The following SSC5D variants were observed in gnomAD, a reference collection of about 807,000 sequenced individuals.
SSC5D encodes scavenger receptor cysteine rich family member with 5 domains, also known as soluble scavenger receptor cysteine-rich domain-containing protein SSC5D.
A neutral mutation model predicts 104.6 loss-of-function variants in SSC5D; 106 were observed. The observed-to-expected ratio is 1.01, with a 90% CI of 0.87 to 1.19. The LOEUF (loss-of-function observed/expected upper bound fraction) is 1.19. Ranked by LOEUF, SSC5D falls within the 50% of genes most tolerant of loss-of-function variation. The pLI is 0.00. For missense variants in SSC5D, 1,993 were observed against 2,153.8 expected (o/e 0.93, Z 1.48); for synonymous variants, 860 against 883.5 (o/e 0.97, Z 0.47).
intron 8 of SSC5D, among the ~76,000 whole-genome samples, chr19:55,496,378 G>T (rs772008819): frequency 6.6e-6 from 1 of 152,204 alleles, no homozygotes; most frequent in African/African-American, 2.4e-5. Context: ...ATAAAAAGGC[G>T]TGGTTAACAC....
At chr19:55,491,537 G>A (rs1987142818) in intron 6 of SSC5D, 1 of 154,270 alleles carries the variant, frequency 6.5e-6, no homozygotes, top group African/African-American at 2.6e-5. Flanking sequence ...TGGTGGGAAG[G>A]AGGGAGGGAG....
rs56232242 is a variant in SSC5D at position 55,495,234 on chromosome 19, T to TATATATATATATATA, written c.1387+451_1387+452insATATATATATATATA. On this transcript the variant is annotated intron_variant, in intron 8 of 13. Coordinates refer to ENST00000389623, the MANE Select transcript of SSC5D (RefSeq NM_001144950.2). ...CTCCTTTCATATATATATATATATA[T>TATATATATATATATA]TTTTTTTTTTTTTTTTTTTTTTTTT... Among the ~76,000 whole-genome samples, 52 of 22,208 alleles carry TATATATATATATATA rather than the reference T, an allele frequency of 2.3e-3. 3 individuals carry two copies. The highest frequency in any genetic ancestry group is 9.0e-3 in the South Asian group (3 of 332). The allele number at this position is 22,208 out of a possible 152,430, so 14.6% of individuals were successfully genotyped here.
rs987798235 is a variant in SSC5D at position 55,503,233 on chromosome 19, G to A, written c.2785+2032G>A. On this transcript the variant is annotated intron_variant, in intron 12 of 13. Transcript: ENST00000389623. The surrounding 1 kb of genome is among the most constrained non-coding windows in gnomAD (Gnocchi z 4.0). ...TGGAATTGCAGGCGGGAGCCACTGGGCCCAAACTGTTTCTGTATCTTCCGT... is the reference window on the plus strand; with the variant it reads ...TGGAATTGCAGGCGGGAGCCACTGGACCCAAACTGTTTCTGTATCTTCCGT... Among the ~76,000 whole-genome samples, 1 of 152,106 alleles carries A rather than the reference G, an allele frequency of 6.6e-6. No individual in the cohort carries two copies. Among genetic ancestry groups the A allele is most frequent in the African/African-American group, 2.4e-5 (1 of 41,402 alleles).
rs1048368334 is a variant in SSC5D at position 55,490,365 on chromosome 19, G to A, written c.543G>A (p.Lys181=). The part of the protein sequence containing the change: ...RKKSPRPKQA[K]STRAPLLTTG... ...AGAGCCCCCGGCCCAAGCAGGCCAA[G>A]TCCACCCGGGCCCCTCTGCTGACGA... Residue 181 remains lysine, a synonymous_variant, in exon 5 of 14, where the codon AAG becomes AAA. Coordinates refer to ENST00000389623, the MANE Select transcript of SSC5D (RefSeq NM_001144950.2). The A allele has an allele frequency of 3.9e-6, 6 of 1,523,580 alleles. No homozygotes were observed. The highest frequency in any genetic ancestry group is 5.3e-6 in the Non-Finnish European group (6 of 1,127,820). 94.4% of individuals were successfully genotyped at this position (1,523,580 alleles called of 1,614,324 possible). A position where few individuals can be genotyped will look rare whatever the true frequency, so the allele number is the denominator to read the frequency against.
At position 55,500,399 on chromosome 19, in the gene SSC5D, CA is replaced by C. The variant is rs752432058; in HGVS notation, c.2290del (p.Thr764LeufsTer59). ...CGGCCCCCTCTCCCAGTGTTAGCAC[CA>C]CTGGGGAATCAGGTGAGTGGCCGTG... The part of the protein sequence containing the change: ...DPAPSPSVST[T>X]GESGLFRVRL... On this transcript the variant is annotated frameshift_variant, in exon 10 of 14. Coordinates refer to ENST00000389623, the MANE Select transcript of SSC5D (RefSeq NM_001144950.2). LOFTEE classifies it high-confidence loss of function. The surrounding 1 kb of genome is among the most constrained non-coding windows in gnomAD (Gnocchi z 4.6). 9.7e-6 allele frequency: 15 copies of C among 1,550,612 alleles called. No individual in the cohort carries two copies. The highest frequency in any genetic ancestry group is 1.3e-5 in the Non-Finnish European group (15 of 1,146,320).
chr19:55,494,045 T>G, intron 7 of SSC5D, 133 bp downstream of exon 7: 1 of 882,252 alleles, frequency 1.1e-6, no homozygotes, highest in Non-Finnish European at 1.7e-6. Flanking sequence ...TCCCCCATCT[T>G]ATTCCCCTCT....
Position 55,493,620 on chromosome 19 carries a change from C to G in SSC5D, c.921C>G (p.Ala307=). The part of the protein sequence containing the change: ...CTGPAPRLRL[A]DGPHGCAGRL... Reference sequence around the variant, plus strand: ...GCCCAGCACCTCGGCTGCGCCTGGCCGATGGCCCCCACGGGTGCGCCGGCC... The same window carrying G: ...GCCCAGCACCTCGGCTGCGCCTGGCGGATGGCCCCCACGGGTGCGCCGGCC... Residue 307 remains alanine, a synonymous_variant, in exon 7 of 14, where the codon GCC becomes GCG. Transcript: ENST00000389623. 6.8e-7 allele frequency: 1 copy of G among 1,475,492 alleles called. No homozygotes were observed. Among genetic ancestry groups the G allele is most frequent in the Non-Finnish European group, 8.9e-7 (1 of 1,124,508 alleles). The allele number at this position is 1,475,492 out of a possible 1,614,324, so 91.4% of individuals were successfully genotyped here.
rs78225589 is a variant in SSC5D, at chr19:55,512,866, C to A, written c.2786-145C>A. ...AACATCCCAGCTGAATGGAGAAGGT[C>A]TCCACGAGGTCAGGTAGGGCTGCAG... On this transcript the variant is annotated intron_variant, in intron 12 of 13. Coordinates refer to ENST00000389623, the MANE Select transcript of SSC5D (RefSeq NM_001144950.2). The A allele has an allele frequency of 5.4e-3, 5,100 of 952,734 alleles. 236 individuals are homozygous for A. The East Asian group carries it at 0.12, about 21-fold the overall frequency. 59.0% of individuals were successfully genotyped at this position (952,734 alleles called of 1,614,324 possible). A position where few individuals can be genotyped will look rare whatever the true frequency, so the allele number is the denominator to read the frequency against.
intron 6 of SSC5D, 102 bp from the exon 7 acceptor site, chr19:55,493,493 C>T: frequency 1.9e-6 from 2 of 1,052,344 alleles, no homozygotes; most frequent in Non-Finnish European, 2.6e-6. Flanking sequence ...GGAATATTTG[C>T]TTCCCAGAGT....
chr19:55,491,320 G>A (rs753782856), intron 6 of SSC5D: 2 of 522,700 alleles, frequency 3.8e-6, no homozygotes, highest in Admixed American at 7.5e-5. Context: ...CCTGTCCCGG[G>A]GCCTAGGCCA....
chr19:55,502,659 C>T (rs1402398344), intron 12 of SSC5D, among the ~76,000 whole-genome samples: 1 of 151,526 alleles, frequency 6.6e-6, no homozygotes, highest in Non-Finnish European at 1.5e-5. Flanking sequence ...TGGTAAATTT[C>T]TCTCTCTCTT....
In SSC5D at chr19:55,494,606, A is replaced by G; in HGVS notation, c.1214-4A>G. On this transcript the variant is annotated splice_region_variant and splice_polypyrimidine_tract_variant and intron_variant, in intron 7 of 13. Coordinates refer to ENST00000389623, the MANE Select transcript of SSC5D (RefSeq NM_001144950.2). ...GTGGCAATCACTTACCCCCTGCTCC[A>G]CAGGCATGCCCCTGGGCTACGTCCC... is the stretch of plus-strand genomic sequence containing the variant. 6.6e-7 allele frequency: 1 copy of G among 1,518,746 alleles called. No homozygotes were observed. Among genetic ancestry groups the G allele is most frequent in the Non-Finnish European group, 8.9e-7 (1 of 1,127,696 alleles). The allele number at this position is 1,518,746 out of a possible 1,614,324, so 94.1% of individuals were successfully genotyped here. A position where few individuals can be genotyped will look rare whatever the true frequency, so the allele number is the denominator to read the frequency against.
chr19:55,512,627 G>C (rs537882119), intron 12 of SSC5D, among the ~76,000 whole-genome samples: 1 of 151,924 alleles, frequency 6.6e-6, no homozygotes, highest in African/African-American at 2.4e-5. Context: ...GATTATAGGC[G>C]TGTGCCACCA....
rs1185266071 is a variant in SSC5D at position 55,517,647 on chromosome 19, C to A, written c.3371C>A (p.Thr1124Asn). ...TSEQVPESDT[T>N]PDLDTTPYSS... ...GAGCAGGTCCCAGAATCTGACACAA[C>A]CCCAGATTTGGACACAACTCCATAC... Residue 1124 changes from threonine (T) to asparagine (N), a missense_variant, in exon 14 of 14, where the codon ACC (threonine) becomes AAC (asparagine). By Grantham distance (65) the Thr-to-Asn change is moderately conservative. Around this residue, in one of 6 missense-constraint regions of SSC5D, gnomAD observed 423 missense variants for 409.2 expected, o/e 1.03. Coordinates refer to ENST00000389623, the MANE Select transcript of SSC5D (RefSeq NM_001144950.2). 7.7e-6 allele frequency: 12 copies of A among 1,551,808 alleles called. No homozygotes were observed. Among genetic ancestry groups the A allele is most frequent in the Non-Finnish European group, 1.0e-5 (12 of 1,147,034 alleles).
rs1358822100 is a variant in SSC5D at position 55,500,036 on chromosome 19, AC to A, written c.1931del (p.Pro644GlnfsTer2). Reference sequence around the variant, plus strand: ...AAAATGCAAAGAGACCAACCACTCAACCCCCAGTGATGCCAACCACGAAACA... The same window carrying A: ...AAAATGCAAAGAGACCAACCACTCAACCCCAGTGATGCCAACCACGAAACA... ...TKNAKRPTTQ[P>X]PVMPTTKHSR... On this transcript the variant is annotated frameshift_variant, in exon 10 of 14. Transcript: ENST00000389623. LOFTEE classifies it high-confidence loss of function. This position sits in a 1 kb window ranked among gnomAD's most constrained non-coding sequence, Gnocchi z 4.6. 6.4e-7 allele frequency: 1 copy of A among 1,551,554 alleles called. No individual in the cohort carries two copies. Among genetic ancestry groups the A allele is most frequent in the East Asian group, 2.4e-5 (1 of 40,898 alleles).
chr19:55,492,410 G>A (rs1477334), intron 6 of SSC5D: 60,598 of 151,934 alleles, frequency 0.4, 12,390 homozygotes, highest in East Asian at 0.63. Context: ...TGGGACCTTC[G>A]GAGCAGAGTT....
intron 12 of SSC5D, among the ~76,000 whole-genome samples, chr19:55,509,361 G>A (rs1338589646): frequency 6.6e-6 from 1 of 152,062 alleles, no homozygotes; most frequent in African/African-American, 2.4e-5. Context: ...ATTCCACAAC[G>A]AGGCGTCGAG....
chr19:55,511,948 T>C (rs1045382416), intron 12 of SSC5D, among the ~76,000 whole-genome samples: 2 of 152,126 alleles, frequency 1.3e-5, no homozygotes, highest in African/African-American at 2.4e-5. Flanking sequence ...TCAATTTTGA[T>C]TGTGGCGATG....
chr19:55,490,323 G>C lies in SSC5D; in HGVS notation c.501G>C (p.Gln167His), dbSNP rs1279411745. The C allele has an allele frequency of 4.1e-6, 6 of 1,457,194 alleles. No individual in the cohort carries two copies. The highest frequency in any genetic ancestry group is 5.6e-6 in the Non-Finnish European group (6 of 1,066,124). 90.3% of individuals were successfully genotyped at this position (1,457,194 alleles called of 1,614,324 possible). A position where few individuals can be genotyped will look rare whatever the true frequency, so the allele number is the denominator to read the frequency against. Residue 167 changes from glutamine (Q) to histidine (H), a missense_variant, in exon 5 of 14, where the codon CAG becomes CAC. Gln to His is a conservative substitution (Grantham distance 24, BLOSUM62 0). Coordinates refer to ENST00000389623, the MANE Select transcript of SSC5D (RefSeq NM_001144950.2). ...THAPRPAGNP[Q>H]NASRKKSPRP... ...CCCCCCGCCCAGCTGGGAACCCCCA[G>C]AACGCCTCCCGGAAGAAGAGCCCCC... is the stretch of plus-strand genomic sequence containing the variant.
Sources: gnomAD v4.1 joint callset for allele counts (sites outside exome capture counted in the v4.1 genomes callset) on GRCh38, gnomAD v4.1.1 for gene constraint, gnomAD v4.1.1 regional missense constraint, Gnocchi (gnomAD v3.1) non-coding constraint, MANE v1.5 for transcripts, NCBI Gene and HGNC (gene_info 2026-07-23, HGNC 2026-07-21) for gene names.